PKD1L1: variants seen among roughly 807,000 people sequenced by gnomAD.
The protein encoded by PKD1L1 is polycystin 1 like 1, transient receptor potential channel interacting.
A neutral mutation model predicts 323.4 loss-of-function variants in PKD1L1; 236 were observed. That is an observed-to-expected ratio of 0.73 (90% CI 0.66 to 0.81). The LOEUF (loss-of-function observed/expected upper bound fraction) is 0.81. PKD1L1 is among the 40% of genes least tolerant of loss of function. The pLI is 0.00. For missense variants in PKD1L1, 3,320 were observed against 3,508.0 expected, an observed-to-expected ratio of 0.95 and a Z score of 1.35; for synonymous variants, 1,344 against 1,335.0, an observed-to-expected ratio of 1.01 and a Z score of -0.15.
intron 33 of PKD1L1, 100 bp from the exon 34 acceptor site, chr7:47,843,269 T>TGC: frequency 1.1e-6 from 1 of 888,918 alleles, no homozygotes; most frequent in Non-Finnish European, 1.7e-6. Flanking sequence ...CAAAAGTCCC[T>TGC]GCTGGGCTTC....
chr7:47,860,136 G>A (rs188823073), intron 26 of PKD1L1, among the ~76,000 whole-genome samples: 54 of 152,290 alleles, frequency 3.5e-4, no homozygotes, highest in African/African-American at 9.6e-4. Context: ...TTAGTGTGTA[G>A]TGCTGATAGA....
intron 21 of PKD1L1, among the ~76,000 whole-genome samples, chr7:47,880,284 A>ATATTTTTTTTTTTTTTTTT (rs1225214936): frequency 5.3e-5 from 3 of 56,772 alleles, no homozygotes; most frequent in African/African-American, 2.1e-4. Flanking sequence ...ATATATATAT[A>ATATTTTTTTTTTTTTTTTT]TTTTTTTTTT....
intron 4 of PKD1L1, 97 bp from the exon 5 acceptor site, chr7:47,932,153 C>T: frequency 6.7e-7 from 1 of 1,491,352 alleles, no homozygotes; most frequent in Non-Finnish European, 8.9e-7. Flanking sequence ...CTTCACCAGG[C>T]TTTGCTGGAA....
At chr7:47,838,876 CAAAAAAAAAAAA>C (rs57858359) in intron 36 of PKD1L1, among the ~76,000 whole-genome samples, 1 of 85,342 alleles carries the variant, frequency 1.2e-5, no homozygotes, top group African/African-American at 4.9e-5. Context: ...GACTCCATCT[CAAAAAAAAAAAA>C]AAAAAAAAAG....
chr7:47,907,654 T>G (rs1008337828), intron 9 of PKD1L1, among the ~76,000 whole-genome samples: 1 of 152,228 alleles, frequency 6.6e-6, no homozygotes, highest in South Asian at 2.1e-4. Flanking sequence ...AAGGCCATGC[T>G]GTCTGACCAA....
chr7:47,791,614 T>C (rs1453447324), intron 56 of PKD1L1, among the ~76,000 whole-genome samples: 1 of 152,228 alleles, frequency 6.6e-6, no homozygotes, highest in African/African-American at 2.4e-5. Flanking sequence ...CAGATTTGCA[T>C]AGATGCAATA....
intron 24 of PKD1L1, among the ~76,000 whole-genome samples, chr7:47,871,179 A>G (rs1279540756): frequency 6.6e-6 from 1 of 152,196 alleles, no homozygotes; most frequent in Non-Finnish European, 1.5e-5. Flanking sequence ...CATCATGACC[A>G]AATGGAATTT....
chr7:47,856,729 T>C (rs1785912775), intron 28 of PKD1L1, among the ~76,000 whole-genome samples: 1 of 152,200 alleles, frequency 6.6e-6, no homozygotes, highest in African/African-American at 2.4e-5. Context: ...TTATTGATTG[T>C]TAGTTTGAAT....
intron 8 of PKD1L1, among the ~76,000 whole-genome samples, chr7:47,913,782 G>C (rs1255176089): frequency 6.6e-6 from 1 of 152,070 alleles, no homozygotes; most frequent in Non-Finnish European, 1.5e-5. Flanking sequence ...TCCAGTGTCA[G>C]GTATTTCTTT....
Position 47,946,667 on chromosome 7 carries a change from C to CCA in PKD1L1, c.44+1728_44+1729dup, listed in dbSNP as rs774990531. On this transcript the variant is annotated intron_variant, in intron 1 of 56. Transcript: ENST00000289672. This position sits in a 1 kb window ranked among gnomAD's most constrained non-coding sequence, Gnocchi z 4.1. ...ACACCACCCACACACATGTCCTATA[C>CCA]CACACACACACACACAGACACTACA... 1.3e-3 allele frequency among the ~76,000 whole-genome samples: 191 copies of CCA among 150,684 alleles called. 1 individual carries two copies. In the East Asian group the frequency reaches 0.016, roughly 13 times the overall value.
intron 55 of PKD1L1, 95 bp downstream of exon 55, chr7:47,795,894 C>G: frequency 7.1e-7 from 1 of 1,405,082 alleles, no homozygotes; most frequent in Admixed American, 2.1e-5. Flanking sequence ...TGGAAACATA[C>G]TCATGCTTTG....
chr7:47,834,275 G>A, intron 40 of PKD1L1, 64 bp downstream of exon 40: 1 of 1,525,520 alleles, frequency 6.6e-7, no homozygotes. Flanking sequence ...GAGGATGCCA[G>A]AGAAATCTAA....
At chr7:47,899,473 T>C (rs1165751641) in intron 13 of PKD1L1, among the ~76,000 whole-genome samples, 1 of 152,114 alleles carries the variant, frequency 6.6e-6, no homozygotes, top group Non-Finnish European at 1.5e-5. Flanking sequence ...AGCCACTCTG[T>C]CTTTCTGAAG....
chr7:47,786,346 T>C (rs1027268000), intron 56 of PKD1L1, among the ~76,000 whole-genome samples: 1 of 129,428 alleles, frequency 7.7e-6, no homozygotes, highest in Non-Finnish European at 1.7e-5. Context: ...ACCCTCTTGA[T>C]GGCTTCCTGC....
chr7:47,941,361 G>A (rs778191596), intron 2 of PKD1L1, among the ~76,000 whole-genome samples: 183 of 152,320 alleles, frequency 1.2e-3, no homozygotes, highest in Non-Finnish European at 2.1e-3. Flanking sequence ...CCAGGCCAGG[G>A]CTGGGCCATC....
At chr7:47,783,763 T>A (rs1294134367) in intron 56 of PKD1L1, among the ~76,000 whole-genome samples, 1 of 152,196 alleles carries the variant, frequency 6.6e-6, no homozygotes, top group Non-Finnish European at 1.5e-5. Flanking sequence ...CACCCTGACC[T>A]TGGACTTCTG....
At chr7:47,913,858 C>CA (rs1311572276) in intron 8 of PKD1L1, among the ~76,000 whole-genome samples, 2 of 151,990 alleles carry the variant, frequency 1.3e-5, no homozygotes, top group African/African-American at 4.8e-5. Context: ...CATGTTCTGA[C>CA]AATGTAGAAA....
intron 41 of PKD1L1, 112 bp from the exon 42 acceptor site, chr7:47,831,464 C>G: frequency 7.3e-7 from 1 of 1,374,668 alleles, no homozygotes; most frequent in Non-Finnish European, 9.8e-7. Context: ...GTAGGGTGCC[C>G]AGGCATTTGG....
chr7:47,840,347 C>T lies in PKD1L1; in HGVS notation c.5552+114G>A. The T allele has an allele frequency of 1.5e-6, 1 of 658,666 alleles. No homozygotes were observed. Among genetic ancestry groups the T allele is most frequent in the Non-Finnish European group, 2.6e-6 (1 of 379,614 alleles). 40.8% of individuals were successfully genotyped at this position (658,666 alleles called of 1,614,324 possible). ...AAAATTGTTTGTATATAAATCGATG[C>T]TCACTATTAGAGACCAATGTTATGT... On this transcript the variant is annotated intron_variant, in intron 35 of 56. Coordinates refer to ENST00000289672, the MANE Select transcript of PKD1L1 (RefSeq NM_138295.5). The surrounding 1 kb of genome is among the most constrained non-coding windows in gnomAD (Gnocchi z 4.1).
Sources: gnomAD v4.1 joint callset for allele counts (sites outside exome capture counted in the v4.1 genomes callset) on GRCh38, gnomAD v4.1.1 for gene constraint, Gnocchi (gnomAD v3.1) non-coding constraint, MANE v1.5 for transcripts, NCBI Gene and HGNC (gene_info 2026-07-23, HGNC 2026-07-21) for gene names.